The following MAGI2 variants were observed in gnomAD, a reference collection of about 807,000 sequenced individuals.
MAGI2 encodes the protein membrane associated guanylate kinase, WW and PDZ domain containing 2, also known as membrane-associated guanylate kinase, WW and PDZ domain-containing protein 2.
In MAGI2, 35 loss-of-function variants were observed where a neutral mutation model predicts 133.3. That is an observed-to-expected ratio of 0.26 (90% confidence interval 0.20 to 0.35). The LOEUF (loss-of-function observed/expected upper bound fraction) is 0.35, where lower values mean the gene tolerates loss of function less well. Ranked by LOEUF, MAGI2 falls within the 10% of genes least tolerant of loss-of-function variation. The pLI is 1.00. For missense variants in MAGI2, 1,636 were observed against 1,863.4 expected, an observed-to-expected ratio of 0.88 and a Z score of 2.25; for synonymous variants, 729 against 710.6, an observed-to-expected ratio of 1.03 and a Z score of -0.41.
chr7:79,276,366 A>C (rs953936868), intron 1 of MAGI2, among the ~76,000 whole-genome samples: 7 of 151,998 alleles, frequency 4.6e-5, no homozygotes, highest in African/African-American at 1.7e-4. Flanking sequence ...GCCTGAAGTC[A>C]CTCCACCCTT....
chr7:79,297,118 T>C (rs1836996029), intron 1 of MAGI2, among the ~76,000 whole-genome samples: 1 of 152,134 alleles, frequency 6.6e-6, no homozygotes, highest in Non-Finnish European at 1.5e-5. Context: ...GGAAGAGCAA[T>C]CAAGTTTGCA....
chr7:79,451,881 A>G (rs1004244892), intron 1 of MAGI2, among the ~76,000 whole-genome samples: 6 of 152,218 alleles, frequency 3.9e-5, no homozygotes, highest in Non-Finnish European at 5.9e-5. Context: ...CTAAAAAAGA[A>G]AACAGAAAAG....
intron 1 of MAGI2, among the ~76,000 whole-genome samples, chr7:79,430,444 C>T (rs976259812): frequency 6.6e-6 from 1 of 152,086 alleles, no homozygotes; most frequent in Non-Finnish European, 1.5e-5. Flanking sequence ...TTATCAAGTC[C>T]TTTGTGTACT....
At chr7:79,450,265 T>C (rs17152518) in intron 1 of MAGI2, among the ~76,000 whole-genome samples, 10,709 of 152,126 alleles carry the variant, frequency 0.07, 489 homozygotes, top group Non-Finnish European at 0.094. Context: ...GCCAAGAGTT[T>C]CTAAATGATT....
chr7:78,536,485 G>T (rs898710873), intron 3 of MAGI2, among the ~76,000 whole-genome samples: 1 of 152,148 alleles, frequency 6.6e-6, no homozygotes, highest in African/African-American at 2.4e-5. Flanking sequence ...AGGAGAACCT[G>T]TTGGGTAGTT....
chr7:79,411,160 A>C (rs1846114018), intron 1 of MAGI2: 1 of 152,152 alleles, frequency 6.6e-6, no homozygotes, highest in African/African-American at 2.4e-5. Flanking sequence ...CCTGTCATCA[A>C]GTGGCAGTAA....
chr7:78,241,840 A>G (rs1380303193), intron 10 of MAGI2, among the ~76,000 whole-genome samples: 2 of 151,964 alleles, frequency 1.3e-5, no homozygotes, highest in East Asian at 3.9e-4. Context: ...AGGCTGAGGC[A>G]GGAGAATCAC....
At chr7:78,371,026 A>T (rs1187000330) in intron 6 of MAGI2, among the ~76,000 whole-genome samples, 1 of 151,934 alleles carries the variant, frequency 6.6e-6, no homozygotes, top group Non-Finnish European at 1.5e-5. Context: ...TTATTATGCC[A>T]GCAACTCAGG....
At chr7:78,452,850 A>T (rs1788872640) in intron 6 of MAGI2, among the ~76,000 whole-genome samples, 1 of 152,106 alleles carries the variant, frequency 6.6e-6, no homozygotes, top group Non-Finnish European at 1.5e-5. Context: ...GATGTAAAAA[A>T]GTTATGTTAG....
intron 2 of MAGI2, among the ~76,000 whole-genome samples, chr7:78,972,092 G>T (rs2115998848): frequency 6.6e-6 from 1 of 151,874 alleles, no homozygotes; most frequent in East Asian, 1.9e-4. Context: ...GAATATTTTA[G>T]CATTAACATG....
At chr7:78,133,253 A>G (rs1821755350) in intron 17 of MAGI2, among the ~76,000 whole-genome samples, 193 bp from the exon 18 acceptor site, 2 of 152,218 alleles carry the variant, frequency 1.3e-5, no homozygotes, top group Non-Finnish European at 2.9e-5. Flanking sequence ...TCTTTCATTA[A>G]TGATCACTGC....
intron 9 of MAGI2, among the ~76,000 whole-genome samples, chr7:78,284,110 TTAAATA>T (rs1412373544): frequency 6.6e-6 from 1 of 152,002 alleles, no homozygotes; most frequent in Non-Finnish European, 1.5e-5. Context: ...AAGAAAAAAT[TTAAATA>T]TGAGTACACA....
At chr7:78,358,663 A>G (rs966024114) in intron 7 of MAGI2, 6 of 207,970 alleles carry the variant, frequency 2.9e-5, no homozygotes, top group Admixed American at 5.8e-5. Flanking sequence ...AGCCTACAAG[A>G]AAGTTTGCCT....
intron 1 of MAGI2, among the ~76,000 whole-genome samples, chr7:79,099,937 C>A (rs1219676253): frequency 6.6e-6 from 1 of 152,124 alleles, no homozygotes; most frequent in Non-Finnish European, 1.5e-5. Context: ...CACGAATTAG[C>A]TATTATAAAT....
chr7:78,479,629 C>T (rs534015190), intron 6 of MAGI2, among the ~76,000 whole-genome samples: 1 of 151,886 alleles, frequency 6.6e-6, no homozygotes, highest in African/African-American at 2.4e-5. Flanking sequence ...ACATACCAAA[C>T]CAAAACAGGG....
intron 1 of MAGI2, among the ~76,000 whole-genome samples, chr7:79,358,805 C>T (rs1387302433): frequency 1.3e-5 from 2 of 152,090 alleles, no homozygotes. Context: ...CCAAGTAGAC[C>T]ATAATAATAC....
At chr7:78,697,844 T>C (rs73147039) in intron 2 of MAGI2, among the ~76,000 whole-genome samples, 7,776 of 152,262 alleles carry the variant, frequency 0.051, 281 homozygotes, top group Non-Finnish European at 0.077. Context: ...AAATGATGAA[T>C]ACACTTTTTG....
intron 2 of MAGI2, among the ~76,000 whole-genome samples, chr7:78,834,838 C>T (rs182645476): frequency 5.9e-5 from 9 of 152,158 alleles, no homozygotes; most frequent in South Asian, 4.2e-4. Context: ...TGAGTACTCA[C>T]GAGATCTGAT....
chr7:78,150,990 T>C (rs539201228), intron 16 of MAGI2, among the ~76,000 whole-genome samples: 2 of 151,652 alleles, frequency 1.3e-5, no homozygotes, highest in South Asian at 4.1e-4. Context: ...CGTTTGTCTT[T>C]CTATTTTACT....
Sources: gnomAD v4.1 joint callset for allele counts (sites outside exome capture counted in the v4.1 genomes callset) on GRCh38, gnomAD v4.1.1 for gene constraint, MANE v1.5 for transcripts, NCBI Gene and HGNC (gene_info 2026-07-23, HGNC 2026-07-21) for gene names.